The following C4orf17 variants were observed in gnomAD, a reference collection of about 807,000 sequenced individuals.
C4orf17 encodes the protein uncharacterized protein C4orf17.
A neutral mutation model predicts 32.0 loss-of-function variants in C4orf17; 25 were observed. That is an observed-to-expected ratio of 0.78 (90% confidence interval 0.57 to 1.09). The LOEUF is 1.09. C4orf17 is among the 50% of genes least tolerant of loss of function. C4orf17 has a pLI of 0.00. For missense variants in C4orf17, 420 were observed against 420.0 expected, an observed-to-expected ratio of 1.00 and a Z score of 0.00; for synonymous variants, 149 against 145.8, an observed-to-expected ratio of 1.02 and a Z score of -0.16.
At chr4:99,518,518 A>AATATAT (rs1323508832) in intron 2 of C4orf17, among the ~76,000 whole-genome samples, 43 of 16,816 alleles carry the variant, frequency 2.6e-3, no homozygotes, top group South Asian at 8.5e-3. Flanking sequence ...AAAAAAAAAA[A>AATATAT]ATATATATAT....
At chr4:99,537,833 A>C (rs1315617994) in intron 6 of C4orf17, 83 bp downstream of exon 6, 5 of 999,432 alleles carry the variant, frequency 5.0e-6, no homozygotes, top group Non-Finnish European at 7.9e-6. Context: ...GAAGTTTTGT[A>C]CCTTGGATTT....
chr4:99,533,326 C>T (rs1485211518), intron 5 of C4orf17, among the ~76,000 whole-genome samples: 1 of 152,152 alleles, frequency 6.6e-6, no homozygotes, highest in Non-Finnish European at 1.5e-5. Flanking sequence ...ATAGATTAGG[C>T]TCAACGCTTA....
Position 99,513,103 on chromosome 4 carries a change from T to A in C4orf17, c.22T>A (p.Ser8Thr). 3 of 1,613,798 alleles carry A rather than the reference T, an allele frequency of 1.9e-6. No homozygotes were observed. Among genetic ancestry groups the A allele is most frequent in the Non-Finnish European group, 2.5e-6 (3 of 1,179,830 alleles). The change falls in exon 2 of 9, where the codon TCT (serine) becomes ACT (threonine). Residue 8 changes from serine to threonine, a missense_variant. Coordinates refer to ENST00000326581, the MANE Select transcript of C4orf17 (RefSeq NM_032149.3). ...AAACATGAACCTCAACCCCCCGACA[T>A]CTGCTCTTCAGATCGAGGGCAAAGG... MNLNPPT[S>T]ALQIEGKGSH...
Position 99,539,386 on chromosome 4 carries a change from G to A in C4orf17, c.836+16G>A, listed in dbSNP as rs1214251501. The A allele has an allele frequency of 2.5e-6, 4 of 1,602,316 alleles. No individual in the cohort carries two copies. In the Admixed American group the frequency reaches 5.0e-5, roughly 20 times the overall value. On this transcript the variant is annotated intron_variant, in intron 7 of 8. Transcript: ENST00000326581. Reference sequence around the variant, plus strand: ...AACCAACCAGGTAATTAGATATAATGGCCCCCTAGAGGGAGGGCCTATGGC... The same window carrying A: ...AACCAACCAGGTAATTAGATATAATAGCCCCCTAGAGGGAGGGCCTATGGC...
chr4:99,524,191 C>G (rs1044144203), intron 3 of C4orf17, among the ~76,000 whole-genome samples: 1 of 151,986 alleles, frequency 6.6e-6, no homozygotes, highest in African/African-American at 2.4e-5. Flanking sequence ...CCGTGTTAGC[C>G]AGGATGGTCT....
intron 2 of C4orf17, 110 bp from the exon 3 acceptor site, chr4:99,522,390 A>C: frequency 2.4e-6 from 2 of 835,782 alleles, no homozygotes; most frequent in Non-Finnish European, 3.7e-6. Context: ...AACATTTTAC[A>C]TACATTTAAT....
chr4:99,524,489 T>C lies in C4orf17; in HGVS notation c.338-32T>C, dbSNP rs760852107. ...TGATATAAATTCTTTTTCAGTTTAA[T>C]CTAAATACATTTTTCCTCAATTTTA... On this transcript the variant is annotated intron_variant, in intron 3 of 8. Coordinates refer to ENST00000326581, the MANE Select transcript of C4orf17 (RefSeq NM_032149.3). The C allele has an allele frequency of 8.9e-6, 12 of 1,343,674 alleles. 1 individual carries two copies. In the East Asian group the frequency reaches 2.3e-4, roughly 26 times the overall value. The allele number at this position is 1,343,674 out of a possible 1,614,324, so 83.2% of individuals were successfully genotyped here.
intron 2 of C4orf17, among the ~76,000 whole-genome samples, chr4:99,517,799 G>C (rs1723212132): frequency 6.6e-6 from 1 of 152,096 alleles, no homozygotes; most frequent in African/African-American, 2.4e-5. Context: ...TTTCAAATAT[G>C]TATCTCAGAC....
Position 99,522,650 on chromosome 4 carries a change from C to T in C4orf17, c.278C>T (p.Pro93Leu). 1 of 1,614,022 alleles carries T rather than the reference C, an allele frequency of 6.2e-7. No homozygotes were observed. The highest frequency in any genetic ancestry group is 8.5e-7 in the Non-Finnish European group (1 of 1,179,996). Reference sequence around the variant, plus strand: ...TCCAGCACTGCAGTCCAGGAGAGCCCTGTAAGAGGAATGTCGCCAGCCCCA... The same window carrying T: ...TCCAGCACTGCAGTCCAGGAGAGCCTTGTAAGAGGAATGTCGCCAGCCCCA... ...YPSSTAVQES[P>L]VRGMSPAPNG... The change falls in exon 3 of 9, where the codon CCT becomes CTT. Residue 93 changes from proline (P) to leucine (L), a missense_variant. Pro to Leu is a moderately conservative substitution (Grantham distance 98). Coordinates refer to ENST00000326581, the MANE Select transcript of C4orf17 (RefSeq NM_032149.3).
At chr4:99,517,380 T>C (rs1723206097) in intron 2 of C4orf17, among the ~76,000 whole-genome samples, 2 of 151,866 alleles carry the variant, frequency 1.3e-5, no homozygotes, top group Non-Finnish European at 2.9e-5. Flanking sequence ...GGCTGCAGAG[T>C]GGTAGATAAG....
At chr4:99,528,621 GT>G (rs1443478286) in intron 4 of C4orf17, among the ~76,000 whole-genome samples, 1 of 152,194 alleles carries the variant, frequency 6.6e-6, no homozygotes, top group Non-Finnish European at 1.5e-5. Flanking sequence ...TTGACTCACA[GT>G]TCTGCATGGC....
intron 2 of C4orf17, among the ~76,000 whole-genome samples, chr4:99,518,544 TAG>T (rs70958313): frequency 0.059 from 2,134 of 36,452 alleles, 70 homozygotes; most frequent in Non-Finnish European, 0.069. Flanking sequence ...TATATATATA[TAG>T]AGAGAGAGAG....
intron 5 of C4orf17, among the ~76,000 whole-genome samples, chr4:99,536,660 C>G (rs1723567362): frequency 6.6e-6 from 1 of 152,164 alleles, no homozygotes. Context: ...CAGGCAGTCT[C>G]CAGCCTGTTC....
intron 5 of C4orf17, among the ~76,000 whole-genome samples, chr4:99,535,337 A>G (rs1723544754): frequency 6.6e-6 from 1 of 151,232 alleles, no homozygotes; most frequent in Admixed American, 6.6e-5. Flanking sequence ...ATGTTTTCCA[A>G]CTTGGTTCCA....
Position 99,522,597 on chromosome 4 carries a change from G to A in C4orf17, c.225G>A (p.Arg75=), listed in dbSNP as rs371652295. 584 of 1,613,944 alleles carry A rather than the reference G, an allele frequency of 3.6e-4. 1 individual carries two copies. Among genetic ancestry groups the A allele is most frequent in the Middle Eastern group, 1.2e-3 (7 of 6,062 alleles). ...AGTCTAACTACTTAGAGAAGAACAG[G>A]ATACCATTTGCCAATTGCAGTTACC... ...VGQSNYLEKN[R]IPFANCSYPS... is the part of the protein sequence containing the mutation. Residue 75 remains arginine, a synonymous_variant, in exon 3 of 9, where the codon AGG becomes AGA. Coordinates refer to ENST00000326581, the MANE Select transcript of C4orf17 (RefSeq NM_032149.3).
chr4:99,523,446 T>TGTTATATGGA, intron 3 of C4orf17, among the ~76,000 whole-genome samples: 1 of 152,350 alleles, frequency 6.6e-6, no homozygotes, highest in South Asian at 2.1e-4. Flanking sequence ...TATAGAGTAC[T>TGTTATATGGA]CACTATATGG....
intron 1 of C4orf17, among the ~76,000 whole-genome samples, chr4:99,512,059 A>G (rs1251412553): frequency 6.6e-6 from 1 of 152,134 alleles, no homozygotes; most frequent in African/African-American, 2.4e-5. Flanking sequence ...GTAGTCAACG[A>G]TCTAAAAGCA....
In C4orf17 at chr4:99,541,898, T is replaced by C. The variant is rs759420315; in HGVS notation, c.881-12T>C. ...AATTATGGTCTTATTTAGATTTTTT[T>C]CTCTATTTCAGAGGCTGAGCACAAG... On this transcript the variant is annotated splice_polypyrimidine_tract_variant and intron_variant, in intron 8 of 8. Coordinates refer to ENST00000326581, the MANE Select transcript of C4orf17 (RefSeq NM_032149.3). 9 of 1,595,646 alleles carry C rather than the reference T, an allele frequency of 5.6e-6. No individual in the cohort carries two copies. The East Asian group carries it at 1.6e-4, about 28-fold the overall frequency.
intron 2 of C4orf17, among the ~76,000 whole-genome samples, chr4:99,516,347 A>G (rs1454280740): frequency 6.6e-6 from 1 of 152,224 alleles, no homozygotes; most frequent in Non-Finnish European, 1.5e-5. Flanking sequence ...TCCCAAACCT[A>G]GAATAGAAAT....
Sources: gnomAD v4.1 joint callset for allele counts (sites outside exome capture counted in the v4.1 genomes callset) on GRCh38, gnomAD v4.1.1 for gene constraint, MANE v1.5 for transcripts, NCBI Gene and HGNC (gene_info 2026-07-23, HGNC 2026-07-21) for gene names.